The following NKAIN2 variants were observed in gnomAD, a reference collection of about 807,000 sequenced individuals.
NKAIN2 encodes the protein sodium/potassium transporting ATPase interacting 2, also known as sodium/potassium-transporting ATPase subunit beta-1-interacting protein 2.
A neutral mutation model predicts 32.6 loss-of-function variants in NKAIN2; 14 were observed. The ratio of observed to expected loss-of-function variants is 0.43; its 90% confidence interval spans 0.28 to 0.67. The LOEUF (loss-of-function observed/expected upper bound fraction) is 0.67, where lower values mean the gene tolerates loss of function less well. Ranked by LOEUF, NKAIN2 falls within the 30% of genes least tolerant of loss-of-function variation. NKAIN2 has a pLI of 0.17. For synonymous variants in NKAIN2, 80 were observed against 87.2 expected (o/e 0.92, Z 0.46); for missense variants, 198 against 258.3 (o/e 0.77, Z 1.60).
chr6:124,303,471 C>A (rs1796382729), intron 2 of NKAIN2, among the ~76,000 whole-genome samples: 1 of 152,078 alleles, frequency 6.6e-6, no homozygotes, highest in South Asian at 2.1e-4. Context: ...TAAACAGAAC[C>A]CTTGAGAACA....
At chr6:124,426,532 G>A (rs1774989718) in intron 3 of NKAIN2, among the ~76,000 whole-genome samples, 1 of 152,124 alleles carries the variant, frequency 6.6e-6, no homozygotes, top group Non-Finnish European at 1.5e-5. Flanking sequence ...CAGACCTTTT[G>A]CCAAAGAAGA....
intron 1 of NKAIN2, among the ~76,000 whole-genome samples, chr6:123,848,073 C>T (rs1385501886): frequency 6.6e-6 from 1 of 152,110 alleles, no homozygotes; most frequent in Non-Finnish European, 1.5e-5. Context: ...AAGGTGGACA[C>T]TGTTAAGTGA....
chr6:123,868,591 G>A (rs914944104), intron 1 of NKAIN2, among the ~76,000 whole-genome samples: 2 of 152,112 alleles, frequency 1.3e-5, no homozygotes, highest in African/African-American at 4.8e-5. Flanking sequence ...TCACTGATTT[G>A]ATGAATATGA....
chr6:124,426,404 G>C (rs922929153), intron 3 of NKAIN2, among the ~76,000 whole-genome samples: 1 of 152,110 alleles, frequency 6.6e-6, no homozygotes, highest in Admixed American at 6.6e-5. Context: ...AAATCCACAG[G>C]ATAGGAGAAA....
chr6:124,530,762 A>T (rs1421112577), intron 3 of NKAIN2, among the ~76,000 whole-genome samples: 1 of 152,160 alleles, frequency 6.6e-6, no homozygotes, highest in Non-Finnish European at 1.5e-5. Context: ...GAAGTCTGAG[A>T]ATAGGGATTG....
At chr6:124,008,994 C>T (rs562784675) in intron 1 of NKAIN2, among the ~76,000 whole-genome samples, 87 of 152,188 alleles carry the variant, frequency 5.7e-4, no homozygotes, top group African/African-American at 1.7e-3. Context: ...TACTTTAAGA[C>T]GGTATTCCAT....
chr6:123,852,263 A>C (rs1278383323), intron 1 of NKAIN2, among the ~76,000 whole-genome samples: 1 of 144,308 alleles, frequency 6.9e-6, no homozygotes, highest in Non-Finnish European at 1.5e-5. Context: ...TAATTAACAT[A>C]TGCAGTACTT....
intron 3 of NKAIN2, among the ~76,000 whole-genome samples, chr6:124,427,772 T>C (rs1775044232): frequency 6.6e-6 from 1 of 152,200 alleles, no homozygotes; most frequent in Admixed American, 6.5e-5. Context: ...ACTGGTCTTA[T>C]AGACCACATA....
chr6:123,909,493 T>A (rs1775059661), intron 1 of NKAIN2, among the ~76,000 whole-genome samples: 5 of 152,206 alleles, frequency 3.3e-5, no homozygotes, highest in Non-Finnish European at 7.3e-5. Context: ...AGTCTCTGTG[T>A]CTGCTTGCCA....
chr6:124,139,477 A>C (rs1371425180), intron 1 of NKAIN2, among the ~76,000 whole-genome samples: 1 of 152,206 alleles, frequency 6.6e-6, no homozygotes, highest in East Asian at 1.9e-4. Context: ...ATGTGAGAAA[A>C]ACATCTTTCT....
chr6:124,246,737 A>G (rs1426815974), intron 1 of NKAIN2, among the ~76,000 whole-genome samples: 2 of 152,178 alleles, frequency 1.3e-5, no homozygotes, highest in East Asian at 3.9e-4. Context: ...TCTCTCAACT[A>G]AAAAAGGGAG....
At chr6:124,169,166 G>T (rs1788719310) in intron 1 of NKAIN2, among the ~76,000 whole-genome samples, 1 of 151,972 alleles carries the variant, frequency 6.6e-6, no homozygotes, top group Non-Finnish European at 1.5e-5. Flanking sequence ...TGCACCCAAA[G>T]ATATATAACA....
At chr6:124,080,585 G>C (rs1185087713) in intron 1 of NKAIN2, among the ~76,000 whole-genome samples, 1 of 151,634 alleles carries the variant, frequency 6.6e-6, no homozygotes. Flanking sequence ...GTTTATATTA[G>C]ACCAAAAAAC....
At chr6:124,142,084 C>T (rs1439712252) in intron 1 of NKAIN2, among the ~76,000 whole-genome samples, 2 of 152,164 alleles carry the variant, frequency 1.3e-5, no homozygotes, top group South Asian at 2.1e-4. Flanking sequence ...TCTCCTCTGA[C>T]ATTATTCCAC....
chr6:124,235,701 C>T (rs747746865), intron 1 of NKAIN2, among the ~76,000 whole-genome samples: 5 of 151,408 alleles, frequency 3.3e-5, no homozygotes, highest in Non-Finnish European at 4.4e-5. Context: ...CAGGTTCAAG[C>T]GATTCTCCTG....
chr6:124,012,403 T>A (rs1780378774), intron 1 of NKAIN2, among the ~76,000 whole-genome samples: 1 of 149,896 alleles, frequency 6.7e-6, no homozygotes, highest in Non-Finnish European at 1.5e-5. Flanking sequence ...TGGTGCGATC[T>A]CGGCTCACTG....
intron 1 of NKAIN2, among the ~76,000 whole-genome samples, chr6:124,011,009 T>A (rs1277269676): frequency 2.0e-5 from 3 of 152,198 alleles, no homozygotes; most frequent in Non-Finnish European, 2.9e-5. Flanking sequence ...CTCCACTTTT[T>A]TTTCTTTAAC....
At chr6:124,589,331 T>C (rs1222098903) in intron 3 of NKAIN2, among the ~76,000 whole-genome samples, 1 of 152,238 alleles carries the variant, frequency 6.6e-6, no homozygotes, top group African/African-American at 2.4e-5. Flanking sequence ...ATAATTTTAA[T>C]ATTCTTCACT....
chr6:124,242,944 G>A lies in NKAIN2; in HGVS notation c.55-40061G>A, dbSNP rs9482523. Among the ~76,000 whole-genome samples, 199 of 151,950 alleles carry A rather than the reference G, an allele frequency of 1.3e-3. 1 individual carries two copies. The highest frequency in any genetic ancestry group is 4.6e-3 in the African/African-American group (190 of 41,438). ...AGAAGAAATACCTAATGCAGATGAC[G>A]GGATGATGGATGAAGTGAACCACCA... On this transcript the variant is annotated intron_variant, in intron 1 of 6. Coordinates refer to ENST00000368417, the MANE Select transcript of NKAIN2 (RefSeq NM_001040214.3).
Sources: gnomAD v4.1 joint callset for allele counts (sites outside exome capture counted in the v4.1 genomes callset) on GRCh38, gnomAD v4.1.1 for gene constraint, MANE v1.5 for transcripts, NCBI Gene and HGNC (gene_info 2026-07-23, HGNC 2026-07-21) for gene names.